Variants in DYSF observed in about 807,000 individuals in gnomAD.
The protein encoded by DYSF is dysferlin, also known as dystrophy-associated fer-1-like 1.
DYSF carries 212 observed loss-of-function variants against 274.9 expected under a neutral mutation model. That is an observed-to-expected ratio of 0.77 (90% confidence interval 0.69 to 0.86). DYSF has a LOEUF of 0.86. DYSF is among the 40% of genes least tolerant of loss of function. DYSF has a pLI of 0.00. For synonymous variants in DYSF, 1,091 were observed against 1,078.7 expected, an observed-to-expected ratio of 1.01 and a Z score of -0.22; for missense variants, 2,666 against 2,783.2, an observed-to-expected ratio of 0.96 and a Z score of 0.95.
chr2:71,598,176 C>T (rs1448077933), intron 32 of DYSF, among the ~76,000 whole-genome samples: 2 of 152,174 alleles, frequency 1.3e-5, no homozygotes, highest in East Asian at 3.8e-4. Flanking sequence ...GCACCTAGCA[C>T]CTAGCCTGGC....
At chr2:71,545,943 C>T (rs757713631) in intron 17 of DYSF, among the ~76,000 whole-genome samples, 2 of 152,228 alleles carry the variant, frequency 1.3e-5, no homozygotes, top group Non-Finnish European at 2.9e-5. Context: ...CCTTCCATCA[C>T]AGATGGTTCT....
At chr2:71,487,737 G>A (rs1164354976) in intron 3 of DYSF, among the ~76,000 whole-genome samples, 138 of 152,282 alleles carry the variant, frequency 9.1e-4, no homozygotes, top group Non-Finnish European at 4.0e-4. Flanking sequence ...TTGAACTCCT[G>A]ACCTCAGGTG....
chr2:71,571,229 G>A (rs1205058369), intron 29 of DYSF, among the ~76,000 whole-genome samples: 11 of 122,854 alleles, frequency 9.0e-5, no homozygotes, highest in African/African-American at 2.3e-4. Context: ...TTCACACTCA[G>A]CACACACAGA....
chr2:71,529,520 T>C lies in DYSF; in HGVS notation c.1380+1119T>C, dbSNP rs114226074. Among the ~76,000 whole-genome samples the C allele has an allele frequency of 8.7e-3, 1,322 of 152,348 alleles. 20 individuals carry two copies. Among genetic ancestry groups the C allele is most frequent in the African/African-American group, 0.03 (1,258 of 41,590 alleles). The stretch of plus-strand genomic sequence containing the variant: ...GTATTTCGGCAAGAACTCAGAGTAG[T>C]TGATGTTCTGCATGTCATATGGCAT... On this transcript the variant is annotated intron_variant, in intron 14 of 55. Transcript: ENST00000410020.
chr2:71,478,503 G>A (rs1336450171), intron 1 of DYSF, among the ~76,000 whole-genome samples: 4 of 152,168 alleles, frequency 2.6e-5, no homozygotes, highest in East Asian at 3.9e-4. Context: ...GAGCCACCGC[G>A]CCCGGCCCAG....
At chr2:71,502,099 G>A (rs896351871) in intron 3 of DYSF, among the ~76,000 whole-genome samples, 2 of 151,712 alleles carry the variant, frequency 1.3e-5, no homozygotes, top group Admixed American at 6.6e-5. Context: ...GTGTGTGTGT[G>A]TGTGTGTGTG....
rs1573100797 is a variant in DYSF, at chr2:71,669,761, G to A, written c.5784+15G>A. On this transcript the variant is annotated intron_variant, in intron 51 of 55. Coordinates refer to ENST00000410020, the MANE Select transcript of DYSF (RefSeq NM_001130987.2). The stretch of plus-strand genomic sequence containing the variant: ...TTGCCAAGAAGGTCAGTGTCCTTCC[G>A]ATTCCCTGTGGTGCCAGCACCAGGG... 2.5e-6 allele frequency: 4 copies of A among 1,614,112 alleles called. No homozygotes were observed. Among genetic ancestry groups the A allele is most frequent in the Non-Finnish European group, 3.4e-6 (4 of 1,180,024 alleles).
intron 46 of DYSF, among the ~76,000 whole-genome samples, chr2:71,664,924 A>C (rs781091126): frequency 9.2e-5 from 14 of 152,220 alleles, no homozygotes; most frequent in Non-Finnish European, 1.6e-4. Flanking sequence ...TAACTCTGGA[A>C]ATTGAAAACA....
chr2:71,524,090 T>C (rs1017362305), intron 12 of DYSF, among the ~76,000 whole-genome samples: 6 of 152,196 alleles, frequency 3.9e-5, no homozygotes, highest in Non-Finnish European at 8.8e-5. Context: ...CTCTAGCCTT[T>C]TCCCCTGCTG....
At chr2:71,587,806 G>T (rs553530143) in intron 30 of DYSF, among the ~76,000 whole-genome samples, 1 of 152,200 alleles carries the variant, frequency 6.6e-6, no homozygotes, top group Non-Finnish European at 1.5e-5. Flanking sequence ...GAGAGTCCAG[G>T]CATCTCCCTG....
rs77228121 is a variant in DYSF at position 71,550,917 on chromosome 2, C to G, written c.1577-124C>G. 9.7e-4 allele frequency: 748 copies of G among 775,066 alleles called. 4 individuals are homozygous for G. The African/African-American group carries it at 9.7e-3, about 10-fold the overall frequency. The allele number at this position is 775,066 out of a possible 1,614,324, so 48.0% of individuals were successfully genotyped here. On this transcript the variant is annotated intron_variant, in intron 17 of 55. Coordinates refer to ENST00000410020, the MANE Select transcript of DYSF (RefSeq NM_001130987.2). ...GTTCTTCTTTATACACTGACAGGAG[C>G]TGCATCTGGTGCATGTGGGGGGGAA...
intron 52 of DYSF, among the ~76,000 whole-genome samples, chr2:71,674,547 T>C (rs2095187166): frequency 6.6e-6 from 1 of 152,156 alleles, no homozygotes; most frequent in African/African-American, 2.4e-5. Flanking sequence ...CTGGGCCATG[T>C]TGGATGATGG....
intron 3 of DYSF, among the ~76,000 whole-genome samples, chr2:71,488,050 C>A (rs1170571178): frequency 6.6e-6 from 1 of 151,788 alleles, no homozygotes; most frequent in Non-Finnish European, 1.5e-5. Context: ...GGAAATAATT[C>A]CACAAAAGAA....
chr2:71,670,486 C>T (rs962322214), intron 51 of DYSF, among the ~76,000 whole-genome samples: 4 of 152,224 alleles, frequency 2.6e-5, no homozygotes, highest in African/African-American at 9.6e-5. Context: ...CCTATGGTCA[C>T]CGTCCAAGCT....
intron 42 of DYSF, among the ~76,000 whole-genome samples, chr2:71,653,648 T>A (rs936266717): frequency 4.7e-5 from 5 of 105,552 alleles, no homozygotes; most frequent in Non-Finnish European, 8.8e-5. Context: ...CATCACACTC[T>A]GGGGCCTGTT....
At chr2:71,540,677 TATAAC>T (rs1304786416) in intron 17 of DYSF, among the ~76,000 whole-genome samples, 1 of 150,810 alleles carries the variant, frequency 6.6e-6, no homozygotes, top group Non-Finnish European at 1.5e-5. Flanking sequence ...TATATTTATA[TATAAC>T]ATGTTTATAT....
At chr2:71,457,732 C>G (rs2081127293) in intron 1 of DYSF, among the ~76,000 whole-genome samples, 2 of 152,188 alleles carry the variant, frequency 1.3e-5, no homozygotes, top group Admixed American at 1.3e-4. Flanking sequence ...GCAGGACGCT[C>G]CCTCCAGGCA....
At chr2:71,536,645 C>A (rs745419125) in intron 16 of DYSF, among the ~76,000 whole-genome samples, 2 of 152,186 alleles carry the variant, frequency 1.3e-5, no homozygotes, top group Non-Finnish European at 2.9e-5. Flanking sequence ...TCAAAGGCAT[C>A]GGCGTACTGT....
intron 32 of DYSF, among the ~76,000 whole-genome samples, chr2:71,592,989 A>C (rs2093312059): frequency 6.6e-6 from 1 of 151,780 alleles, no homozygotes; most frequent in African/African-American, 2.4e-5. Flanking sequence ...GTGGGGTTTG[A>C]GTGTATGGCT....
Sources: gnomAD v4.1 joint callset for allele counts (sites outside exome capture counted in the v4.1 genomes callset) on GRCh38, gnomAD v4.1.1 for gene constraint, MANE v1.5 for transcripts, NCBI Gene and HGNC (gene_info 2026-07-23, HGNC 2026-07-21) for gene names.